The following POM121 variants were observed in gnomAD, a reference collection of about 807,000 sequenced individuals.
POM121 encodes the protein nuclear envelope pore membrane protein POM 121.
POM121 carries 32 observed loss-of-function variants against 81.3 expected under a neutral mutation model. That is an observed-to-expected ratio of 0.39 (90% CI 0.30 to 0.53). The LOEUF is 0.53. POM121 is among the 20% of genes least tolerant of loss of function. The pLI is 0.66. For missense variants in POM121, 1,138 were observed against 1,614.6 expected (o/e 0.70, Z 5.06); for synonymous variants, 514 against 694.2 (o/e 0.74, Z 4.08).
intron 5 of POM121, among the ~76,000 whole-genome samples, chr7:72,938,378 CAG>C (rs1327672882): frequency 1.3e-5 from 2 of 152,054 alleles, no homozygotes; most frequent in African/African-American, 2.4e-5. Context: ...TTTGTAGAGA[CAG>C]GGGTCTCGCT....
intron 3 of POM121, among the ~76,000 whole-genome samples, chr7:72,898,861 C>T (rs190914651): frequency 6.7e-6 from 1 of 148,550 alleles, no homozygotes; most frequent in East Asian, 2.0e-4. Flanking sequence ...ACTTAAGAAA[C>T]GGGATGAGAT....
At position 72,940,952 on chromosome 7, in the gene POM121, TGAA is replaced by T; in HGVS notation, c.1808_1810del (p.Lys603del). 2 of 1,593,554 alleles carry T rather than the reference TGAA, an allele frequency of 1.3e-6. No homozygotes were observed. Among genetic ancestry groups the T allele is most frequent in the Non-Finnish European group, 8.5e-7 (1 of 1,174,152 alleles). On this transcript the variant is annotated inframe_deletion, in exon 10 of 13. Transcript: ENST00000434423. ...AGCACCAACCCACTGTTAGAGAGCT[TGAA>T]GAAGATGCAGACTCCCCCGAGCCTG...
chr7:72,934,379 C>G (rs1429302598), intron 5 of POM121, among the ~76,000 whole-genome samples: 1 of 152,238 alleles, frequency 6.6e-6, no homozygotes, highest in Non-Finnish European at 1.5e-5. Flanking sequence ...GCCACCACAC[C>G]TGGCCCCAAG....
intron 2 of POM121, chr7:72,890,850 C>T: frequency 7.4e-7 from 1 of 1,360,310 alleles, no homozygotes; most frequent in South Asian, 1.2e-5. Flanking sequence ...TCCTTGTGGG[C>T]ACTAGCTGCA....
In POM121 at chr7:72,906,042, G is replaced by A. The variant is rs148960934; in HGVS notation, c.-215-7723G>A. ...TTGCTTGTTGAGGTCTGGAGCTCTCGGTTTGTTACTTTTCCAAACTATTTT... is the reference window on the plus strand; with the variant it reads ...TTGCTTGTTGAGGTCTGGAGCTCTCAGTTTGTTACTTTTCCAAACTATTTT... On this transcript the variant is annotated intron_variant, in intron 3 of 15. Coordinates refer to the POM121 transcript ENST00000395270. Among the ~76,000 whole-genome samples, 491 of 152,200 alleles carry A rather than the reference G, an allele frequency of 3.2e-3. 4 individuals are homozygous for A. The highest frequency in any genetic ancestry group is 0.011 in the African/African-American group (454 of 41,530).
intron 1 of POM121, among the ~76,000 whole-genome samples, chr7:72,880,095 C>G (rs1191738123): frequency 1.2e-4 from 19 of 152,186 alleles, no homozygotes; most frequent in African/African-American, 4.6e-4. Flanking sequence ...GAGGGTGTCA[C>G]CACCCTCAGC....
At chr7:72,896,076 G>A (rs1301679181) in intron 3 of POM121, among the ~76,000 whole-genome samples, 2 of 152,070 alleles carry the variant, frequency 1.3e-5, no homozygotes, top group Admixed American at 6.5e-5. Flanking sequence ...GGAGAGTAAG[G>A]GGAAGAAGCT....
chr7:72,920,806 C>G (rs374713829), upstream of POM121, among the ~76,000 whole-genome samples: 2 of 152,158 alleles, frequency 1.3e-5, no homozygotes, highest in East Asian at 1.9e-4. Context: ...CCCATTCCTG[C>G]GGTGCTTGAG....
chr7:72,913,442 A>G (rs1431284588), intron 3 of POM121, among the ~76,000 whole-genome samples: 2 of 152,172 alleles, frequency 1.3e-5, no homozygotes, highest in African/African-American at 4.8e-5. Flanking sequence ...TTGATCTTCT[A>G]TACTGGGGCC....
chr7:72,950,464 A>G (rs1418107666), downstream of POM121: 74 of 477,362 alleles, frequency 1.6e-4, no homozygotes, highest in Middle Eastern at 5.8e-4. Context: ...AGTAGGTGTG[A>G]GGATTCAATG....
chr7:72,945,790 G>C, intron 12 of POM121, 82 bp downstream of exon 12: 1 of 1,522,874 alleles, frequency 6.6e-7, no homozygotes, highest in African/African-American at 1.4e-5. Flanking sequence ...GTCCTCTGAG[G>C]CCCGGTGAAG....
intron 3 of POM121, among the ~76,000 whole-genome samples, chr7:72,907,801 G>A (rs1353968256): frequency 1.2e-4 from 19 of 152,058 alleles, no homozygotes; most frequent in African/African-American, 1.7e-4. Context: ...GTGAGCCACC[G>A]CGCCCAGCCT....
intron 3 of POM121, among the ~76,000 whole-genome samples, chr7:72,900,307 G>T (rs1259377899): frequency 1.3e-5 from 2 of 151,132 alleles, no homozygotes; most frequent in East Asian, 1.9e-4. Flanking sequence ...TGCATGCAGG[G>T]TCTGTGCTAA....
In POM121 at chr7:72,925,216, C is replaced by T. The variant is rs1795264631; in HGVS notation, c.95C>T (p.Ala32Val). The change falls in exon 1 of 13, where the codon GCC (alanine) becomes GTC (valine). Residue 32 changes from alanine (A) to valine (V), a missense_variant. Transcript: ENST00000434423. ...CGGGGCCGGGGCTGCGGCGGGCCGG[C>T]CAGGGCGGTGCTCCTGGGCCTGTCG... ...DGRGRGCGGP[A>V]RAVLLGLSLV... The T allele has an allele frequency of 3.9e-6, 6 of 1,529,412 alleles. No homozygotes were observed. The highest frequency in any genetic ancestry group is 5.2e-6 in the Non-Finnish European group (6 of 1,144,494). The allele number at this position is 1,529,412 out of a possible 1,614,324, so 94.7% of individuals were successfully genotyped here. A position where few individuals can be genotyped will look rare whatever the true frequency, so the allele number is the denominator to read the frequency against.
upstream of POM121, chr7:72,924,734 T>C (rs569856703): frequency 1.0e-5 from 2 of 194,232 alleles, no homozygotes; most frequent in Non-Finnish European, 2.1e-5. Flanking sequence ...AACATAGAAA[T>C]GGAGGGGGGA....
At chr7:72,902,480 T>A (rs1254373710) in intron 3 of POM121, among the ~76,000 whole-genome samples, 3 of 151,842 alleles carry the variant, frequency 2.0e-5, no homozygotes, top group Non-Finnish European at 4.4e-5. Flanking sequence ...ATAATTTCTA[T>A]TTTTTTCCTT....
intron 3 of POM121, among the ~76,000 whole-genome samples, chr7:72,906,188 AGAG>A (rs1203432480): frequency 6.6e-6 from 1 of 152,244 alleles, no homozygotes; most frequent in Non-Finnish European, 1.5e-5. Context: ...GGGGTGAGGC[AGAG>A]GAGGATTTTG....
chr7:72,920,091 A>G (rs1477630451), intron 4 of POM121, among the ~76,000 whole-genome samples: 2 of 152,084 alleles, frequency 1.3e-5, no homozygotes, highest in Non-Finnish European at 2.9e-5. Context: ...TTATGTTTGG[A>G]AAATGTTTGG....
chr7:72,891,858 C>A (rs1204587523), intron 3 of POM121, among the ~76,000 whole-genome samples: 3 of 152,094 alleles, frequency 2.0e-5, no homozygotes, highest in East Asian at 1.9e-4. Flanking sequence ...TTATTTATTT[C>A]TTTAGGCATT....
Sources: allele counts gnomAD v4.1 joint callset (sites outside exome capture counted in the v4.1 genomes callset), GRCh38; gene constraint gnomAD v4.1.1; transcripts MANE v1.5; gene names NCBI Gene and HGNC (gene_info 2026-07-23, HGNC 2026-07-21).